Variants in ANK3 observed in about 807,000 individuals in gnomAD.
ANK3 encodes the protein ankyrin 3, also known as ankyrin-3.
In ANK3, 57 loss-of-function variants were observed where a neutral mutation model predicts 370.9. The observed-to-expected ratio is 0.15, with a 90% confidence interval of 0.12 to 0.19. The LOEUF is 0.19. Among genes scored for constraint, ANK3 ranks in the 10% least tolerant of loss-of-function variants. ANK3 has a pLI of 1.00. For missense variants in ANK3, 4,439 were observed against 5,302.1 expected, an observed-to-expected ratio of 0.84 and a Z score of 5.06; for synonymous variants, 1,929 against 1,946.3, an observed-to-expected ratio of 0.99 and a Z score of 0.23.
chr10:60,271,418 C>T (rs1331905979), intron 4 of ANK3, among the ~76,000 whole-genome samples: 1 of 152,094 alleles, frequency 6.6e-6, no homozygotes, highest in Admixed American at 6.5e-5. Flanking sequence ...TGTCACCCAG[C>T]ATGGGCTTGA....
chr10:60,506,118 T>A (rs1006752144), intron 2 of ANK3, among the ~76,000 whole-genome samples: 1 of 152,066 alleles, frequency 6.6e-6, no homozygotes, highest in African/African-American at 2.4e-5. Context: ...ATATAAAAAA[T>A]AAAACTGATG....
chr10:60,383,295 T>G (rs554023544), intron 1 of ANK3, among the ~76,000 whole-genome samples: 1 of 152,270 alleles, frequency 6.6e-6, no homozygotes, highest in South Asian at 2.1e-4. Context: ...CACTATGGCT[T>G]TTACTTTGTG....
At chr10:60,644,952 A>C (rs2078690984) in intron 1 of ANK3, among the ~76,000 whole-genome samples, 1 of 151,132 alleles carries the variant, frequency 6.6e-6, no homozygotes, top group Admixed American at 6.6e-5. Flanking sequence ...TAAACATAAA[A>C]CTCAGGTATA....
chr10:60,138,261 C>T (rs748914583), intron 24 of ANK3, among the ~76,000 whole-genome samples: 3 of 152,152 alleles, frequency 2.0e-5, no homozygotes, highest in Non-Finnish European at 2.9e-5. Flanking sequence ...TTAAAATCCA[C>T]ACTAGGGCAA....
Position 60,108,952 on chromosome 10 carries a change from G to C in ANK3, c.3051C>G (p.Pro1017=). ...IIIPPRKCTA[P]TRITCRLVKR... ...TTACCAAACGGCAGGTGATTCGAGT[G>C]GGGGCCGTACACTTGCGTGGAGGAA... is the stretch of plus-strand genomic sequence containing the variant. Residue 1017 remains proline, a synonymous_variant, in exon 27 of 44, where the codon CCC becomes CCG. Transcript: ENST00000280772. The C allele has an allele frequency of 6.2e-7, 1 of 1,614,018 alleles. No homozygotes were observed. Among genetic ancestry groups the C allele is most frequent in the Non-Finnish European group, 8.5e-7 (1 of 1,179,958 alleles).
intron 30 of ANK3, among the ~76,000 whole-genome samples, chr10:60,085,481 CTTG>C (rs1589767385): frequency 6.6e-6 from 1 of 151,962 alleles, no homozygotes; most frequent in Non-Finnish European, 1.5e-5. Flanking sequence ...AAAAAAATTC[CTTG>C]TTTTTTGTCT....
chr10:60,337,510 C>A (rs2053281485), intron 1 of ANK3, among the ~76,000 whole-genome samples: 2 of 152,154 alleles, frequency 1.3e-5, no homozygotes, highest in African/African-American at 4.8e-5. Context: ...CAGGCTCCGA[C>A]TGAATACTTT....
At chr10:60,665,665 T>C (rs2078986951) in intron 1 of ANK3, among the ~76,000 whole-genome samples, 1 of 152,226 alleles carries the variant, frequency 6.6e-6, no homozygotes, top group Non-Finnish European at 1.5e-5. Context: ...CTATTAAGTG[T>C]ATCTTGAGAT....
chr10:60,380,010 CCA>C (rs2061347969), intron 1 of ANK3, among the ~76,000 whole-genome samples: 1 of 151,702 alleles, frequency 6.6e-6, no homozygotes, highest in African/African-American at 2.4e-5. Flanking sequence ...AGAACCCCCC[CCA>C]AATCAGCTGA....
chr10:60,718,891 T>C (rs2079825381), intron 1 of ANK3, among the ~76,000 whole-genome samples: 1 of 152,210 alleles, frequency 6.6e-6, no homozygotes, highest in African/African-American at 2.4e-5. Context: ...AACTGCTCTC[T>C]GCTTTTCCTT....
intron 1 of ANK3, among the ~76,000 whole-genome samples, chr10:60,362,053 A>G (rs1448482098): frequency 6.6e-6 from 1 of 152,226 alleles, no homozygotes; most frequent in East Asian, 1.9e-4. Flanking sequence ...CTTTGTAAGC[A>G]GAGAAGGTTA....
At chr10:60,445,120 T>TA (rs2064409096) in intron 2 of ANK3, among the ~76,000 whole-genome samples, 1 of 152,160 alleles carries the variant, frequency 6.6e-6, no homozygotes, top group African/African-American at 2.4e-5. Flanking sequence ...AACTATGTTT[T>TA]AAAAAACGAT....
At chr10:60,044,913 A>C (rs1308143068) in intron 42 of ANK3, 2 of 152,236 alleles carry the variant, frequency 1.3e-5, no homozygotes, top group Non-Finnish European at 2.9e-5. Context: ...TGAATCTTTC[A>C]TAGCTCTTAA....
intron 26 of ANK3, among the ~76,000 whole-genome samples, chr10:60,113,902 A>C (rs2092900554): frequency 1.3e-5 from 2 of 152,174 alleles, no homozygotes; most frequent in South Asian, 4.1e-4. Flanking sequence ...TTATGTTTCA[A>C]ATTTTAAAAA....
At chr10:60,266,276 A>G (rs2097877646) in intron 5 of ANK3, among the ~76,000 whole-genome samples, 1 of 152,236 alleles carries the variant, frequency 6.6e-6, no homozygotes, top group African/African-American at 2.4e-5. Context: ...TCATAAAGGT[A>G]CATACATGTA....
intron 1 of ANK3, among the ~76,000 whole-genome samples, chr10:60,696,617 T>A (rs1380052482): frequency 6.7e-6 from 1 of 148,576 alleles, no homozygotes; most frequent in East Asian, 1.9e-4. Context: ...TCAATAAATG[T>A]AATCCAGCAT....
chr10:60,501,792 A>C (rs1284069616), intron 2 of ANK3, among the ~76,000 whole-genome samples: 1 of 152,008 alleles, frequency 6.6e-6, no homozygotes, highest in Non-Finnish European at 1.5e-5. Flanking sequence ...TGGGTAACAT[A>C]GTGAGACCCC....
chr10:60,286,018 A>T (rs35044728), intron 1 of ANK3, among the ~76,000 whole-genome samples: 1 of 151,920 alleles, frequency 6.6e-6, no homozygotes, highest in Non-Finnish European at 1.5e-5. Context: ...GTTCTTTCTC[A>T]TTTTTTAAAA....
chr10:60,624,789 C>A (rs1401266559), intron 1 of ANK3, among the ~76,000 whole-genome samples: 14 of 144,614 alleles, frequency 9.7e-5, no homozygotes, highest in African/African-American at 3.6e-4. Context: ...AGAAAACAAA[C>A]AAAAATGGGT....
Sources: allele counts gnomAD v4.1 joint callset (sites outside exome capture counted in the v4.1 genomes callset), GRCh38; gene constraint gnomAD v4.1.1; transcripts MANE v1.5; gene names NCBI Gene and HGNC (gene_info 2026-07-23, HGNC 2026-07-21).